Variants in GNE observed in about 807,000 individuals in gnomAD.
GNE encodes bifunctional UDP-N-acetylglucosamine 2-epimerase/N-acetylmannosamine kinase.
In GNE, 41 loss-of-function variants were observed where a neutral mutation model predicts 61.8. The ratio of observed to expected loss-of-function variants is 0.66; its 90% confidence interval spans 0.52 to 0.86. GNE has a LOEUF of 0.86. Ranked by LOEUF, GNE falls within the 40% of genes least tolerant of loss-of-function variation. GNE has a pLI of 0.00. For synonymous variants in GNE, 264 were observed against 326.4 expected, an observed-to-expected ratio of 0.81 and a Z score of 2.06; for missense variants, 608 against 909.1, an observed-to-expected ratio of 0.67 and a Z score of 4.26.
chr9:36,234,032 C>T lies in GNE; in HGVS notation c.870G>A (p.Leu290=). Residue 290 remains leucine, a synonymous_variant, in exon 5 of 12, where the codon TTG becomes TTA. Transcript: ENST00000642385. Reference sequence around the variant, plus strand: ...CAATCATACAGCCAGCATGGGCAACCAACTGTATAAACTGGTCAAATGGGA... The same window carrying T: ...CAATCATACAGCCAGCATGGGCAACTAACTGTATAAACTGGTCAAATGGGA... ...KHVPFDQFIQ[L]VAHAGCMIGN... 1 of 1,614,092 alleles carries T rather than the reference C, an allele frequency of 6.2e-7. No homozygotes were observed.
intron 5 of GNE, 149 bp from the exon 6 acceptor site, chr9:36,229,257 A>G: frequency 1.4e-6 from 1 of 689,768 alleles, no homozygotes; most frequent in South Asian, 1.5e-5. Flanking sequence ...CAACTTTTCT[A>G]CTTTATACCT....
Position 36,256,405 on chromosome 9 carries a change from G to A in GNE, c.-43+1916C>T, listed in dbSNP as rs568294964. 2.5e-3 allele frequency among the ~76,000 whole-genome samples: 380 copies of A among 150,642 alleles called. 1 individual carries two copies. Among genetic ancestry groups the A allele is most frequent in the Non-Finnish European group, 4.0e-3 (273 of 67,714 alleles). ...GATCACAGGCGCCTGCCACCACATCGAGCTAATTTTTGTATTTTTAGTAGA... is the reference window on the plus strand; with the variant it reads ...GATCACAGGCGCCTGCCACCACATCAAGCTAATTTTTGTATTTTTAGTAGA... On this transcript the variant is annotated intron_variant, in intron 1 of 11. Coordinates refer to ENST00000642385, the MANE Select transcript of GNE (RefSeq NM_005476.7).
chr9:36,221,706 T>G (rs1828592736), intron 9 of GNE, among the ~76,000 whole-genome samples: 1 of 152,114 alleles, frequency 6.6e-6, no homozygotes, highest in Non-Finnish European at 1.5e-5. Context: ...CAGGGCCAGG[T>G]GCAGTGGGTC....
chr9:36,271,430 G>A (rs1360474862), intron 1 of GNE, among the ~76,000 whole-genome samples: 2 of 152,208 alleles, frequency 1.3e-5, no homozygotes, highest in African/African-American at 4.8e-5. Flanking sequence ...CTGGAGTGCA[G>A]TGGCACGATC....
chr9:36,258,461 G>A, upstream of GNE: 3 of 985,516 alleles, frequency 3.0e-6, no homozygotes, highest in Non-Finnish European at 3.6e-6. Context: ...CTCGTCGCTC[G>A]ACCTTGTCCC....
chr9:36,225,186 CT>C (rs1828806595), intron 7 of GNE, among the ~76,000 whole-genome samples: 2 of 151,868 alleles, frequency 1.3e-5, no homozygotes, highest in Admixed American at 6.6e-5. Flanking sequence ...TTAGAATTTT[CT>C]TTATATAGAT....
At chr9:36,236,106 A>G (rs1169720199) in intron 4 of GNE, among the ~76,000 whole-genome samples, 2 of 152,202 alleles carry the variant, frequency 1.3e-5, no homozygotes, top group East Asian at 3.8e-4. Context: ...ACTTTAAGGT[A>G]TAGCTAACAT....
chr9:36,233,916 A>T lies in GNE; in HGVS notation c.982+4T>A. ...TCAGTTGAAGTATGAGCAAAGGTAA[A>T]TACCTGTTTCTCTTCCAATCTGACG... On this transcript the variant is annotated splice_donor_region_variant and intron_variant, in intron 5 of 11. Transcript: ENST00000642385. The T allele has an allele frequency of 6.2e-7, 1 of 1,609,040 alleles. No individual in the cohort carries two copies. The highest frequency in any genetic ancestry group is 8.5e-7 in the Non-Finnish European group (1 of 1,175,404).
chr9:36,228,533 C>T (rs1204628286), intron 6 of GNE, among the ~76,000 whole-genome samples: 1 of 151,996 alleles, frequency 6.6e-6, no homozygotes, highest in Non-Finnish European at 1.5e-5. Flanking sequence ...TGACTCACAC[C>T]TGTAATCCCA....
chr9:36,246,488 G>C lies in GNE; in HGVS notation c.165-6C>G, dbSNP rs2133114327. On this transcript the variant is annotated splice_region_variant and splice_polypyrimidine_tract_variant and intron_variant, in intron 2 of 11. Transcript: ENST00000642385. ...CAATCATTCGATATGTATTTCTAAA[G>C]CCGGGGAGAAATAAAGATATAAGAA... The C allele has an allele frequency of 6.2e-7, 1 of 1,602,070 alleles. No homozygotes were observed. The highest frequency in any genetic ancestry group is 2.2e-5 in the East Asian group (1 of 44,822).
chr9:36,261,392 A>G (rs1830612360), upstream of GNE, among the ~76,000 whole-genome samples: 1 of 151,480 alleles, frequency 6.6e-6, no homozygotes, highest in Non-Finnish European at 1.5e-5. Context: ...CCCCGTCTCT[A>G]CTAAAGCAAA....
chr9:36,245,695 A>G (rs1283829764), intron 3 of GNE, among the ~76,000 whole-genome samples: 2 of 152,204 alleles, frequency 1.3e-5, no homozygotes, highest in African/African-American at 4.8e-5. Flanking sequence ...TAAATAAAAT[A>G]AAATGAAATG....
intron 7 of GNE, among the ~76,000 whole-genome samples, chr9:36,224,705 A>C (rs1036973170): frequency 1.3e-5 from 2 of 151,822 alleles, no homozygotes. Flanking sequence ...TCCCATCTCT[A>C]TAAAAAATAC....
rs60845805 is a variant in GNE, at chr9:36,257,802, C to CAAAAAAAAAAAAAA, written c.-43+505_-43+518dup. ...TGGGCGACAGAGCGAGACTCAGTCT[C>CAAAAAAAAAAAAAA]AAAAAAAAAAAAAAAAAAAAAAAAA... On this transcript the variant is annotated intron_variant, in intron 1 of 11. Coordinates refer to ENST00000642385, the MANE Select transcript of GNE (RefSeq NM_005476.7). Among the ~76,000 whole-genome samples, 13 of 25,238 alleles carry CAAAAAAAAAAAAAA rather than the reference C, an allele frequency of 5.2e-4. 1 individual carries two copies. The highest frequency in any genetic ancestry group is 1.4e-3 in the African/African-American group (11 of 7,814). 16.6% of individuals were successfully genotyped at this position (25,238 alleles called of 152,430 possible). A position where few individuals can be genotyped will look rare whatever the true frequency, so the allele number is the denominator to read the frequency against.
At position 36,246,382 on chromosome 9, in the gene GNE, C is replaced by T. The variant is rs1829875828; in HGVS notation, c.265G>A (p.Gly89Ser). Residue 89 changes from glycine to serine, a missense_variant, in exon 3 of 12, where the codon GGC (glycine) becomes AGC (serine). Transcript: ENST00000642385. ...EDEAAMVESVGLALVKLPDVL... is the reference protein window; with the variant it reads ...EDEAAMVESVSLALVKLPDVL... ...TCTGGCAGCTTCACTAGGGCCAGGC[C>T]TACTGACTCCACCATGGCTGCCTCA... 6.2e-7 allele frequency: 1 copy of T among 1,613,790 alleles called. No individual in the cohort carries two copies. The highest frequency in any genetic ancestry group is 2.2e-5 in the East Asian group (1 of 44,876).
chr9:36,230,841 C>T (rs1295733384), intron 5 of GNE, among the ~76,000 whole-genome samples: 1 of 151,744 alleles, frequency 6.6e-6, no homozygotes, highest in East Asian at 1.9e-4. Context: ...GCAATCATCC[C>T]ACCTTGGCCT....
intron 3 of GNE, among the ~76,000 whole-genome samples, chr9:36,240,420 A>C (rs901053090): frequency 1.3e-5 from 2 of 152,190 alleles, no homozygotes; most frequent in East Asian, 3.8e-4. Context: ...TGAAATGATC[A>C]TGTGATTTTT....
rs1828510333 is a variant in GNE at position 36,219,899 on chromosome 9, C to G, written c.1755G>C (p.Gly585=). Reference sequence around the variant, plus strand: ...TTCCAGAGGCGTATGCTTCAATGCACCCATGGCTTCCACAGGAACAATCAG... The same window carrying G: ...TTCCAGAGGCGTATGCTTCAATGCAGCCATGGCTTCCACAGGAACAATCAG... ...DGPDCSCGSH[G]CIEAYASGMA... is the part of the protein sequence containing the mutation. Residue 585 remains glycine (G), a synonymous_variant, in exon 10 of 12, where the codon GGG becomes GGC. Coordinates refer to ENST00000642385, the MANE Select transcript of GNE (RefSeq NM_005476.7). 6.2e-7 allele frequency: 1 copy of G among 1,614,158 alleles called. No individual in the cohort carries two copies. Among genetic ancestry groups the G allele is most frequent in the Non-Finnish European group, 8.5e-7 (1 of 1,180,002 alleles).
intron 1 of GNE, among the ~76,000 whole-genome samples, chr9:36,274,363 T>C (rs56335567): frequency 0.17 from 26,201 of 152,200 alleles, 2,456 homozygotes; most frequent in Non-Finnish European, 0.21. Flanking sequence ...ACTGAAGTGC[T>C]GGGGTTAGAG....
Sources: allele counts gnomAD v4.1 joint callset (sites outside exome capture counted in the v4.1 genomes callset), GRCh38; gene constraint gnomAD v4.1.1; transcripts MANE v1.5; gene names NCBI Gene and HGNC (gene_info 2026-07-23, HGNC 2026-07-21).